The following PSD3 variants were observed in gnomAD, a reference collection of about 807,000 sequenced individuals.
PSD3 encodes the protein PH and SEC7 domain-containing protein 3.
In PSD3, 49 loss-of-function variants were observed where a neutral mutation model predicts 105.5. The observed-to-expected ratio is 0.46, with a 90% CI of 0.37 to 0.59. The LOEUF (loss-of-function observed/expected upper bound fraction) is 0.59. Ranked by LOEUF, PSD3 falls within the 20% of genes least tolerant of loss-of-function variation. The pLI, the probability that PSD3 is intolerant of heterozygous loss-of-function variation, is 0.00. For synonymous variants in PSD3, 557 were observed against 457.8 expected (o/e 1.22, Z -2.77); for missense variants, 1,561 against 1,263.8 (o/e 1.24, Z -3.57).
intron 1 of PSD3, among the ~76,000 whole-genome samples, chr8:19,029,794 T>G (rs1293075389): frequency 6.6e-6 from 1 of 152,210 alleles, no homozygotes; most frequent in East Asian, 1.9e-4. Context: ...ATGGGATTAT[T>G]TCATTAATTA....
chr8:18,632,449 C>G (rs1353932902), intron 11 of PSD3, among the ~76,000 whole-genome samples, 164 bp downstream of exon 11: 1 of 151,984 alleles, frequency 6.6e-6, no homozygotes, highest in African/African-American at 2.4e-5. Context: ...GAGCAGGTGC[C>G]ACATTGGATT....
upstream of PSD3, among the ~76,000 whole-genome samples, chr8:19,015,007 G>A (rs1286446000): frequency 6.6e-6 from 1 of 152,154 alleles, no homozygotes; most frequent in Non-Finnish European, 1.5e-5. Flanking sequence ...AGGTTTGGAA[G>A]CACCCCAGTC....
intron 1 of PSD3, among the ~76,000 whole-genome samples, chr8:19,074,166 C>A (rs1330660205): frequency 6.6e-6 from 1 of 152,174 alleles, no homozygotes; most frequent in Non-Finnish European, 1.5e-5. Flanking sequence ...ATCCCCAAAG[C>A]AACCTCAGCT....
intron 1 of PSD3, among the ~76,000 whole-genome samples, chr8:18,996,481 G>C (rs963787366): frequency 6.6e-6 from 1 of 151,822 alleles, no homozygotes; most frequent in South Asian, 2.1e-4. Flanking sequence ...GGGAAGATAA[G>C]GACTTTATGT....
intron 1 of PSD3, among the ~76,000 whole-genome samples, chr8:19,040,567 G>C (rs1828088211): frequency 6.6e-6 from 1 of 152,266 alleles, no homozygotes; most frequent in South Asian, 2.1e-4. Flanking sequence ...GAGTAACTTG[G>C]CCTGATTACA....
intron 11 of PSD3, among the ~76,000 whole-genome samples, chr8:18,603,686 T>A (rs1804600875): frequency 6.6e-6 from 1 of 152,244 alleles, no homozygotes; most frequent in Middle Eastern, 3.4e-3. Context: ...TGGGAGGTGA[T>A]TGGGTCATGT....
In PSD3 at chr8:18,795,660, A is replaced by G. The variant is rs74451442; in HGVS notation, c.2082+3635T>C. Among the ~76,000 whole-genome samples the G allele has an allele frequency of 5.9e-5, 9 of 152,250 alleles. No homozygotes were observed. In the East Asian group the frequency reaches 1.5e-3, roughly 26 times the overall value. On this transcript the variant is annotated intron_variant, in intron 8 of 15. Transcript: ENST00000327040. ...ATACTTAACCCTCCTACCACCTTAG[A>G]ACACCAGCCCTGGGTGATAATCCTG...
At chr8:18,958,384 A>T (rs959121039) in intron 1 of PSD3, among the ~76,000 whole-genome samples, 4 of 152,172 alleles carry the variant, frequency 2.6e-5, no homozygotes, top group African/African-American at 9.7e-5. Flanking sequence ...TTATTTATTT[A>T]TCATACACAT....
intron 9 of PSD3, among the ~76,000 whole-genome samples, chr8:18,686,037 A>AAAC (rs754605707): frequency 9.2e-5 from 14 of 152,134 alleles, no homozygotes; most frequent in Admixed American, 2.6e-4. Flanking sequence ...ACAAACAAAC[A>AAAC]AACAACAACA....
rs1374926084 is a variant in PSD3, at chr8:18,527,969, G to A, written c.*7774C>T. On this transcript the variant is annotated 3_prime_UTR_variant, in exon 16 of 16. Coordinates refer to ENST00000327040, the MANE Select transcript of PSD3 (RefSeq NM_015310.4). ...ATGATTGGTGGAGAAAACTTTGAAGGTAAAGAAATGTTCCACAATGCCAAT... is the reference window on the plus strand; with the variant it reads ...ATGATTGGTGGAGAAAACTTTGAAGATAAAGAAATGTTCCACAATGCCAAT... The A allele has an allele frequency of 6.6e-6, 1 of 152,202 alleles. No individual in the cohort carries two copies. Among genetic ancestry groups the A allele is most frequent in the Non-Finnish European group, 1.5e-5 (1 of 68,038 alleles). The allele number at this position is 152,202 out of a possible 1,614,324, so 9.4% of individuals were successfully genotyped here. A position where few individuals can be genotyped will look rare whatever the true frequency, so the allele number is the denominator to read the frequency against.
intron 2 of PSD3, among the ~76,000 whole-genome samples, chr8:18,914,184 C>A (rs1488624428): frequency 7.1e-6 from 1 of 141,216 alleles, no homozygotes; most frequent in Admixed American, 7.5e-5. Flanking sequence ...AAATTCAACA[C>A]CCTTTCATGA....
intron 11 of PSD3, among the ~76,000 whole-genome samples, chr8:18,607,984 G>A (rs1463163569): frequency 3.3e-5 from 5 of 152,194 alleles, no homozygotes; most frequent in Non-Finnish European, 7.3e-5. Flanking sequence ...CAGCATGAGA[G>A]TAATGGCCCC....
chr8:18,772,181 C>T (rs888662852), intron 8 of PSD3, among the ~76,000 whole-genome samples: 70 of 152,256 alleles, frequency 4.6e-4, no homozygotes, highest in African/African-American at 1.6e-3. Flanking sequence ...AAAAGTGTGG[C>T]TACGAACATG....
chr8:18,940,482 C>T (rs1200792435), intron 1 of PSD3: 1 of 152,210 alleles, frequency 6.6e-6, no homozygotes, highest in East Asian at 1.9e-4. Flanking sequence ...AAAGGGACTG[C>T]TCGACCTAGA....
intron 11 of PSD3, among the ~76,000 whole-genome samples, chr8:18,624,322 G>A (rs1053763133): frequency 6.6e-6 from 1 of 151,886 alleles, no homozygotes; most frequent in African/African-American, 2.4e-5. Context: ...TTCACTATAT[G>A]TTTAATGAAT....
At position 18,771,120 on chromosome 8, in the gene PSD3, C is replaced by T. The variant is rs989125915; in HGVS notation, c.2083-5582G>A. Among the ~76,000 whole-genome samples the T allele has an allele frequency of 2.0e-5, 3 of 152,216 alleles. No homozygotes were observed. In the East Asian group the frequency reaches 5.8e-4, roughly 29 times the overall value. ...AGTCTCCAATGTCCAGCTGCTTCTCCTCTCTCTGCTGGCTGAGGCTGGGGC... is the reference window on the plus strand; with the variant it reads ...AGTCTCCAATGTCCAGCTGCTTCTCTTCTCTCTGCTGGCTGAGGCTGGGGC... On this transcript the variant is annotated intron_variant, in intron 8 of 15. Transcript: ENST00000327040.
chr8:19,038,823 G>C lies in PSD3; in HGVS notation c.324+45383C>G, dbSNP rs376418853. On this transcript the variant is annotated intron_variant, in intron 1 of 1. Coordinates refer to the PSD3 transcript ENST00000521475. ...GTAGTTATTATGTGTTAGACACTGG[G>C]CTAAGCAATTAAAATAGGTTATCTC... 2.9e-4 allele frequency among the ~76,000 whole-genome samples: 44 copies of C among 152,268 alleles called. No homozygotes were observed. In the South Asian group the frequency reaches 9.1e-3, roughly 32 times the overall value.
chr8:18,783,079 T>C (rs1808793553), intron 8 of PSD3, among the ~76,000 whole-genome samples: 2 of 152,226 alleles, frequency 1.3e-5, no homozygotes, highest in Non-Finnish European at 2.9e-5. Flanking sequence ...ATGTTAAAAC[T>C]TCTTTAAATG....
At chr8:18,965,935 C>T (rs1265431691) in intron 1 of PSD3, among the ~76,000 whole-genome samples, 1 of 152,210 alleles carries the variant, frequency 6.6e-6, no homozygotes, top group Admixed American at 6.5e-5. Flanking sequence ...TGCCCATTTC[C>T]TCTTGTGAGT....
Sources: allele counts gnomAD v4.1 joint callset (sites outside exome capture counted in the v4.1 genomes callset), GRCh38; gene constraint gnomAD v4.1.1; transcripts MANE v1.5; gene names NCBI Gene and HGNC (gene_info 2026-07-23, HGNC 2026-07-21).